BIRC5: variants seen among roughly 807,000 people sequenced by gnomAD.
BIRC5 encodes baculoviral IAP repeat containing 5, also known as baculoviral IAP repeat-containing protein 5.
A neutral mutation model predicts 15.8 loss-of-function variants in BIRC5; 8 were observed. The observed-to-expected ratio is 0.51, with a 90% confidence interval of 0.30 to 0.91. The LOEUF (loss-of-function observed/expected upper bound fraction) is 0.91, where lower values mean the gene tolerates loss of function less well. BIRC5 is among the 40% of genes least tolerant of loss of function. The pLI is 0.07. For missense variants in BIRC5, 163 were observed against 178.6 expected (o/e 0.91, Z 0.50); for synonymous variants, 56 against 64.5 (o/e 0.87, Z 0.63).
At chr17:78,223,060 CAGACTAGCTGGGGTGCCT>C (rs1400654789) in intron 3 of BIRC5, 37 of 571,230 alleles carry the variant, frequency 6.5e-5, no homozygotes, top group African/African-American at 7.4e-5. Context: ...CTGGGGTGCC[CAGACTAGCTGGGGTGCCT>C]AGACTAGCTG....
At chr17:78,221,571 CGCTGGGATTACAAACCCAAACCCAAAGT>C in intron 3 of BIRC5, among the ~76,000 whole-genome samples, 1 of 152,268 alleles carries the variant, frequency 6.6e-6, no homozygotes, top group Non-Finnish European at 1.5e-5. Flanking sequence ...GGACTACAGG[CGCTGGGATTACAAACCCAAACCCAAAGT>C]GCTGGGATTA....
chr17:78,218,827 A>G (rs963177368), intron 3 of BIRC5, among the ~76,000 whole-genome samples: 4 of 151,906 alleles, frequency 2.6e-5, no homozygotes, highest in African/African-American at 9.7e-5. Flanking sequence ...GGCTGGTCTC[A>G]AACTCCTGAC....
At chr17:78,216,870 C>A in intron 3 of BIRC5, 89 bp downstream of exon 3, 1 of 1,028,948 alleles carries the variant, frequency 9.7e-7, no homozygotes, top group Non-Finnish European at 1.4e-6. Flanking sequence ...CTGTGTTTTC[C>A]TCAGGAAGCA....
intron 3 of BIRC5, among the ~76,000 whole-genome samples, chr17:78,219,107 T>C (rs1023458248): frequency 4.6e-5 from 7 of 152,156 alleles, no homozygotes; most frequent in Non-Finnish European, 1.5e-5. Context: ...CCCTATCCCA[T>C]GGTTTCTCAG....
In BIRC5 at chr17:78,225,114, G is replaced by A. The variant is rs1051757370; in HGVS notation, c.*1560G>A. On this transcript the variant is annotated 3_prime_UTR_variant, in exon 4 of 4. Transcript: ENST00000350051. The stretch of plus-strand genomic sequence containing the variant: ...CTGTTGCTTAGTAATTGGCTTTGTA[G>A]AGAAGCTGGAAAAAAATGGTTTTGT... 6.6e-5 allele frequency: 10 copies of A among 152,230 alleles called. No individual in the cohort carries two copies. Among genetic ancestry groups the A allele is most frequent in the Non-Finnish European group, 1.0e-4 (7 of 68,050 alleles). 9.4% of individuals were successfully genotyped at this position (152,230 alleles called of 1,614,324 possible).
intron 2 of BIRC5, chr17:78,215,063 A>T: frequency 2.8e-6 from 1 of 354,452 alleles, no homozygotes; most frequent in Non-Finnish European, 5.3e-6. Flanking sequence ...GTTGTTGTGA[A>T]CTCCCAGGAA....
chr17:78,218,681 C>T (rs1364428237), intron 3 of BIRC5, among the ~76,000 whole-genome samples: 2 of 151,418 alleles, frequency 1.3e-5, no homozygotes, highest in Non-Finnish European at 2.9e-5. Context: ...CAGCTCACTA[C>T]AAGCTCCGCC....
chr17:78,223,827 G>A lies in BIRC5; in HGVS notation c.*273G>A. 6.2e-6 allele frequency: 4 copies of A among 640,180 alleles called. No homozygotes were observed. Among genetic ancestry groups the A allele is most frequent in the Non-Finnish European group, 9.9e-6 (4 of 402,192 alleles). 39.7% of individuals were successfully genotyped at this position (640,180 alleles called of 1,614,324 possible). On this transcript the variant is annotated 3_prime_UTR_variant, in exon 4 of 4. Coordinates refer to ENST00000350051, the MANE Select transcript of BIRC5 (RefSeq NM_001168.3). ...CTCATTTTTGCTGTTTTGATTCCCG[G>A]GCTTACCAGGTGAGAAGTGAGGGAG...
intron 2 of BIRC5, chr17:78,216,063 T>G: frequency 1.3e-6 from 1 of 782,344 alleles, no homozygotes; most frequent in Non-Finnish European, 1.6e-6. Flanking sequence ...TCTTGGCTAA[T>G]ACGGTGAAAC....
chr17:78,214,581 G>A (rs2076464056), intron 1 of BIRC5, 99 bp from the exon 2 acceptor site: 1 of 1,307,752 alleles, frequency 7.6e-7, no homozygotes, highest in Non-Finnish European at 1.0e-6. Flanking sequence ...GGTCCAGGCC[G>A]GCCTCCCCTC....
intron 3 of BIRC5, among the ~76,000 whole-genome samples, chr17:78,218,155 G>A (rs990665064): frequency 2.0e-5 from 3 of 151,716 alleles, no homozygotes; most frequent in African/African-American, 7.3e-5. Context: ...TGATTTTAAA[G>A]CTCCTGGAGT....
chr17:78,217,535 C>T (rs936607744), intron 3 of BIRC5, among the ~76,000 whole-genome samples: 7 of 151,252 alleles, frequency 4.6e-5, no homozygotes, highest in African/African-American at 9.7e-5. Flanking sequence ...CTTGCTCTGT[C>T]GCCCAGGCTA....
chr17:78,217,837 G>T (rs1404886264), intron 3 of BIRC5, among the ~76,000 whole-genome samples: 2 of 151,322 alleles, frequency 1.3e-5, no homozygotes, highest in South Asian at 4.2e-4. Flanking sequence ...CTGTCACCTG[G>T]GCTGCAGTGC....
At chr17:78,214,565 C>T in intron 1 of BIRC5, 115 bp from the exon 2 acceptor site, 4 of 1,272,742 alleles carry the variant, frequency 3.1e-6, no homozygotes, top group Non-Finnish European at 3.2e-6. Context: ...GTGGCTGGGC[C>T]CCTTGGGTCC....
chr17:78,219,551 G>C (rs1248164963), intron 3 of BIRC5, among the ~76,000 whole-genome samples: 1 of 152,140 alleles, frequency 6.6e-6, no homozygotes, highest in Non-Finnish European at 1.5e-5. Flanking sequence ...CCAGTTGTGG[G>C]TGAAGCATGC....
intron 3 of BIRC5, among the ~76,000 whole-genome samples, chr17:78,217,576 A>C (rs2076488122): frequency 6.6e-6 from 1 of 151,900 alleles, no homozygotes; most frequent in Non-Finnish European, 1.5e-5. Flanking sequence ...GGCTCACTGC[A>C]AGCTCCGCCC....
At chr17:78,221,106 G>A (rs2076512330) in intron 3 of BIRC5, among the ~76,000 whole-genome samples, 1 of 152,240 alleles carries the variant, frequency 6.6e-6, no homozygotes, top group Admixed American at 6.5e-5. Flanking sequence ...ATTAGAACCA[G>A]TGTGAAAATC....
chr17:78,215,146 AC>A (rs2076468607), intron 2 of BIRC5: 1 of 189,392 alleles, frequency 5.3e-6, no homozygotes, highest in African/African-American at 2.4e-5. Context: ...CACAAAAATT[AC>A]CCTTTGAAAG....
intron 2 of BIRC5, chr17:78,216,110 G>A (rs1201071023): frequency 8.8e-6 from 3 of 340,038 alleles, no homozygotes; most frequent in Admixed American, 6.4e-5. Context: ...TTAGCCGGGC[G>A]TGGTGGTGGG....
Sources: allele counts gnomAD v4.1 joint callset (sites outside exome capture counted in the v4.1 genomes callset), GRCh38; gene constraint gnomAD v4.1.1; transcripts MANE v1.5; gene names NCBI Gene and HGNC (gene_info 2026-07-23, HGNC 2026-07-21).